The following PTPRD variants were observed in gnomAD, a reference collection of about 807,000 sequenced individuals.
PTPRD encodes the protein receptor-type tyrosine-protein phosphatase delta.
PTPRD carries 34 observed loss-of-function variants against 214.5 expected under a neutral mutation model. The ratio of observed to expected loss-of-function variants is 0.16; its 90% CI spans 0.12 to 0.21. PTPRD has a LOEUF of 0.21. Among genes scored for constraint, PTPRD ranks in the 10% least tolerant of loss-of-function variants. The pLI, the probability that PTPRD is intolerant of heterozygous loss-of-function variation, is 1.00. For synonymous variants in PTPRD, 1,128 were observed against 845.7 expected (o/e 1.33, Z -5.79); for missense variants, 2,545 against 2,398.7 (o/e 1.06, Z -1.27).
chr9:9,818,581 T>G (rs944713727), intron 5 of PTPRD, among the ~76,000 whole-genome samples: 3 of 152,080 alleles, frequency 2.0e-5, no homozygotes, highest in African/African-American at 7.2e-5. Flanking sequence ...ACATTGTGAT[T>G]GTGATTGCCA....
chr9:9,048,905 C>A (rs549788711), intron 10 of PTPRD, among the ~76,000 whole-genome samples: 2 of 152,230 alleles, frequency 1.3e-5, no homozygotes, highest in Non-Finnish European at 2.9e-5. Context: ...ATGTCTGTAT[C>A]AAAACATCTC....
At chr9:10,492,424 A>T (rs1238725419) in intron 2 of PTPRD, among the ~76,000 whole-genome samples, 1 of 152,040 alleles carries the variant, frequency 6.6e-6, no homozygotes, top group Non-Finnish European at 1.5e-5. Flanking sequence ...ATGAGATGGT[A>T]TCTCATTGTG....
At chr9:9,159,913 A>G (rs1227694584) in intron 10 of PTPRD, among the ~76,000 whole-genome samples, 1 of 152,198 alleles carries the variant, frequency 6.6e-6, no homozygotes, top group Non-Finnish European at 1.5e-5. Context: ...ATTTGTGGGC[A>G]ATTGATTTTT....
intron 8 of PTPRD, among the ~76,000 whole-genome samples, chr9:9,450,210 T>C (rs1312984200): frequency 1.3e-5 from 2 of 151,978 alleles, no homozygotes; most frequent in African/African-American, 4.8e-5. Flanking sequence ...CAATTGCTAA[T>C]TTTGCTGCTA....
rs1220546017 is a variant in PTPRD, at chr9:9,384,362, T to G, written c.-203+13087A>C. Among the ~76,000 whole-genome samples, 1,063 of 109,890 alleles carry G rather than the reference T, an allele frequency of 9.7e-3. 51 individuals carry two copies. The highest frequency in any genetic ancestry group is 0.041 in the African/African-American group (1,001 of 24,468). 72.1% of individuals were successfully genotyped at this position (109,890 alleles called of 152,430 possible). On this transcript the variant is annotated intron_variant, in intron 9 of 45. Coordinates refer to ENST00000381196, the MANE Select transcript of PTPRD (RefSeq NM_002839.4). ...ACTAGGCTTTTTTTTTTTTTTTTTT[T>G]TTTTTTTTTTTTTTTTTTTTTTCTG...
At chr9:9,406,385 A>G (rs970086407) in intron 8 of PTPRD, among the ~76,000 whole-genome samples, 4 of 151,928 alleles carry the variant, frequency 2.6e-5, no homozygotes, top group Admixed American at 6.6e-5. Context: ...AAACAGAAAG[A>G]ATTAAGAAAG....
In PTPRD at chr9:9,739,166, T is replaced by G. The variant is rs187419912; in HGVS notation, c.-325-4595A>C. On this transcript the variant is annotated intron_variant, in intron 6 of 45. Coordinates refer to ENST00000381196, the MANE Select transcript of PTPRD (RefSeq NM_002839.4). ...GTGTGTATGCATGAATTCACGTGTA[T>G]ATGCACGTATACATTTTGCATTCAC... Among the ~76,000 whole-genome samples the G allele has an allele frequency of 4.9e-4, 74 of 152,326 alleles. No individual in the cohort carries two copies. The East Asian group carries it at 9.1e-3, about 19-fold the overall frequency.
intron 7 of PTPRD, among the ~76,000 whole-genome samples, chr9:9,679,479 G>A (rs974061660): frequency 1.3e-5 from 2 of 151,672 alleles, no homozygotes; most frequent in Admixed American, 6.6e-5. Flanking sequence ...ATAGAATGAC[G>A]GATCCCCCTG....
At chr9:8,991,980 A>C (rs1228988465) in intron 11 of PTPRD, among the ~76,000 whole-genome samples, 3 of 152,138 alleles carry the variant, frequency 2.0e-5, no homozygotes, top group Admixed American at 6.6e-5. Flanking sequence ...TTCAGAATGA[A>C]AAAAATGAAG....
intron 9 of PTPRD, among the ~76,000 whole-genome samples, chr9:9,270,425 A>G (rs1017702026): frequency 1.3e-5 from 2 of 151,290 alleles, no homozygotes; most frequent in Non-Finnish European, 3.0e-5. Context: ...CAATGTTGGG[A>G]AAAAGGGCAG....
chr9:9,374,723 C>T (rs1473788373), intron 9 of PTPRD, among the ~76,000 whole-genome samples: 3 of 152,182 alleles, frequency 2.0e-5, no homozygotes, highest in Non-Finnish European at 2.9e-5. Context: ...TCTTGTAAAA[C>T]AATGCATATA....
At chr9:8,944,547 T>C (rs1462697148) in intron 11 of PTPRD, among the ~76,000 whole-genome samples, 1 of 152,228 alleles carries the variant, frequency 6.6e-6, no homozygotes, top group East Asian at 1.9e-4. Flanking sequence ...GTCGTACATA[T>C]ACGCCATGAA....
chr9:9,878,749 T>C (rs527289497), intron 5 of PTPRD, among the ~76,000 whole-genome samples: 5 of 152,314 alleles, frequency 3.3e-5, no homozygotes, highest in East Asian at 3.9e-4. Flanking sequence ...AGATACTTCC[T>C]GCCTTAACTT....
chr9:8,877,621 A>G lies in PTPRD; in HGVS notation c.-104+141076T>C, dbSNP rs182966478. Reference sequence around the variant, plus strand: ...AGTTCATATTTGCTTCTATTTACAAAATGATAGAAGTTTATCAGGAAAAAA... The same window carrying G: ...AGTTCATATTTGCTTCTATTTACAAGATGATAGAAGTTTATCAGGAAAAAA... On this transcript the variant is annotated intron_variant, in intron 11 of 45. Transcript: ENST00000381196. Among the ~76,000 whole-genome samples the G allele has an allele frequency of 2.6e-5, 4 of 152,328 alleles. No homozygotes were observed. In the East Asian group the frequency reaches 7.7e-4, roughly 29 times the overall value.
intron 5 of PTPRD, among the ~76,000 whole-genome samples, chr9:9,810,957 G>T (rs1389806285): frequency 6.6e-6 from 1 of 151,794 alleles, no homozygotes; most frequent in Non-Finnish European, 1.5e-5. Flanking sequence ...GCAGTTCGCG[G>T]CCAGGTGCAC....
chr9:9,300,242 A>T (rs1250432420), intron 9 of PTPRD, among the ~76,000 whole-genome samples: 2 of 151,300 alleles, frequency 1.3e-5, no homozygotes, highest in Non-Finnish European at 3.0e-5. Flanking sequence ...AAGATACTTA[A>T]AATGACCTAC....
intron 3 of PTPRD, among the ~76,000 whole-genome samples, chr9:10,042,901 G>T (rs575533682): frequency 4.7e-4 from 71 of 151,972 alleles, no homozygotes; most frequent in Non-Finnish European, 9.1e-4. Context: ...ATGTATTTGT[G>T]AAAAAGTCTT....
chr9:9,233,933 T>G (rs929915921), intron 9 of PTPRD, among the ~76,000 whole-genome samples: 1 of 152,152 alleles, frequency 6.6e-6, no homozygotes, highest in Admixed American at 6.5e-5. Flanking sequence ...AGGTACATAA[T>G]GCAAGCTGTC....
intron 11 of PTPRD, among the ~76,000 whole-genome samples, chr9:8,764,707 G>T (rs189666382): frequency 3.9e-4 from 59 of 151,934 alleles, no homozygotes; most frequent in Non-Finnish European, 6.9e-4. Context: ...AGGCAGGAGA[G>T]TTGTTTGAAC....
Sources: allele counts gnomAD v4.1 joint callset (sites outside exome capture counted in the v4.1 genomes callset), GRCh38; gene constraint gnomAD v4.1.1; transcripts MANE v1.5; gene names NCBI Gene and HGNC (gene_info 2026-07-23, HGNC 2026-07-21).